CCDC85C: variants seen among roughly 807,000 people sequenced by gnomAD.
CCDC85C encodes coiled-coil domain-containing protein 85C.
Under a neutral mutation model 38.3 loss-of-function variants are expected in CCDC85C, and 18 were observed. The ratio of observed to expected loss-of-function variants is 0.47; its 90% CI spans 0.33 to 0.70. The LOEUF is 0.70. Ranked by LOEUF, CCDC85C falls within the 30% of genes least tolerant of loss-of-function variation. The probability of loss-of-function intolerance (pLI) is 0.03; values close to 1 mark genes in which losing one functional copy is unlikely to be tolerated. For missense variants in CCDC85C, 566 were observed against 621.2 expected, an observed-to-expected ratio of 0.91 and a Z score of 0.94; for synonymous variants, 264 against 293.8, an observed-to-expected ratio of 0.90 and a Z score of 1.04.
chr14:99,593,907 A>G (rs1309648152), intron 1 of CCDC85C, among the ~76,000 whole-genome samples: 1 of 152,074 alleles, frequency 6.6e-6, no homozygotes, highest in Non-Finnish European at 1.5e-5. Context: ...TACAGCCACA[A>G]TTAGGAACCA....
chr14:99,602,046 A>G (rs1399554460), intron 1 of CCDC85C, among the ~76,000 whole-genome samples: 1 of 152,110 alleles, frequency 6.6e-6, no homozygotes, highest in Non-Finnish European at 1.5e-5. Flanking sequence ...ACTTTCTCTG[A>G]ATTAGGAAAG....
Position 99,576,768 on chromosome 14 carries a change from C to A in CCDC85C, c.793+26399G>T, listed in dbSNP as rs1026675549. Among the ~76,000 whole-genome samples the A allele has an allele frequency of 1.3e-5, 2 of 152,168 alleles. No individual in the cohort carries two copies. Among genetic ancestry groups the A allele is most frequent in the African/African-American group, 4.8e-5 (2 of 41,436 alleles). ...AGGTTTACAATCTTCCTACCCATGA[C>A]ACCCTGGGGATTCAGAGGGTGGAAC... On this transcript the variant is annotated intron_variant, in intron 1 of 5. Transcript: ENST00000380243. This position sits in a 1 kb window ranked among gnomAD's most constrained non-coding sequence, Gnocchi z 4.8.
intron 2 of CCDC85C, among the ~76,000 whole-genome samples, chr14:99,527,200 A>C (rs772528552): frequency 2.3e-4 from 35 of 152,196 alleles, no homozygotes; most frequent in Non-Finnish European, 4.7e-4. Context: ...AAGGGGAGGT[A>C]GACTTGGCAC....
chr14:99,595,042 C>T (rs759750087), intron 1 of CCDC85C, among the ~76,000 whole-genome samples: 7 of 152,188 alleles, frequency 4.6e-5, no homozygotes, highest in Non-Finnish European at 8.8e-5. Context: ...AGAGCTAGAA[C>T]TGCCCACACC....
In CCDC85C at chr14:99,502,892, C is replaced by T. The variant is rs758477791; in HGVS notation, c.*12354G>A. On this transcript the variant is annotated 3_prime_UTR_variant, in exon 6 of 6. Transcript: ENST00000380243. ...ACCATCCCAGCCCCAGCAGAAGGAC[C>T]CCCAGCAACCAGCCCAGCAGCAGCA... 2.5e-6 allele frequency: 4 copies of T among 1,613,588 alleles called. No individual in the cohort carries two copies. The highest frequency in any genetic ancestry group is 3.4e-6 in the Non-Finnish European group (4 of 1,179,696).
At chr14:99,529,735 C>T (rs35498625) in intron 2 of CCDC85C, among the ~76,000 whole-genome samples, 71,311 of 152,178 alleles carry the variant, frequency 0.47, 17,101 homozygotes, top group South Asian at 0.6. Flanking sequence ...CCAAATCCTA[C>T]CTTGGCTGAG....
Position 99,558,890 on chromosome 14 carries a change from C to G in CCDC85C, c.794-22802G>C, listed in dbSNP as rs984899868. 6.6e-6 allele frequency among the ~76,000 whole-genome samples: 1 copy of G among 152,130 alleles called. No homozygotes were observed. Among genetic ancestry groups the G allele is most frequent in the Admixed American group, 6.5e-5 (1 of 15,278 alleles). On this transcript the variant is annotated intron_variant, in intron 1 of 5. Coordinates refer to ENST00000380243, the MANE Select transcript of CCDC85C (RefSeq NM_001144995.2). This position sits in a 1 kb window ranked among gnomAD's most constrained non-coding sequence, Gnocchi z 4.2. ...CCTGGAGGGAGGTGACCGGATCATCCGGGTGGTTTCTGATGGTTTAGTGCC... is the reference window on the plus strand; with the variant it reads ...CCTGGAGGGAGGTGACCGGATCATCGGGGTGGTTTCTGATGGTTTAGTGCC...
intron 1 of CCDC85C, among the ~76,000 whole-genome samples, chr14:99,581,910 G>A (rs942703029): frequency 6.6e-6 from 1 of 152,150 alleles, no homozygotes; most frequent in African/African-American, 2.4e-5. Context: ...GACGCATCAC[G>A]GCAAGTCACT....
At chr14:99,598,740 G>C (rs548970640) in intron 1 of CCDC85C, among the ~76,000 whole-genome samples, 1 of 152,312 alleles carries the variant, frequency 6.6e-6, no homozygotes, top group Non-Finnish European at 1.5e-5. Flanking sequence ...ACAGGACCTA[G>C]AGCAAGTCAC....
intron 1 of CCDC85C, among the ~76,000 whole-genome samples, chr14:99,585,834 G>A (rs1278724152): frequency 6.6e-6 from 1 of 152,208 alleles, no homozygotes; most frequent in Non-Finnish European, 1.5e-5. Context: ...TGGCAAGGTG[G>A]TGTGGCTGTC....
rs1397771676 is a variant in CCDC85C at position 99,588,067 on chromosome 14, T to G, written c.793+15100A>C. Among the ~76,000 whole-genome samples the G allele has an allele frequency of 6.6e-6, 1 of 152,036 alleles. No homozygotes were observed. The highest frequency in any genetic ancestry group is 1.5e-5 in the Non-Finnish European group (1 of 68,014). On this transcript the variant is annotated intron_variant, in intron 1 of 5. Coordinates refer to ENST00000380243, the MANE Select transcript of CCDC85C (RefSeq NM_001144995.2). The surrounding 1 kb of genome is among the most constrained non-coding windows in gnomAD (Gnocchi z 5.0). ...GAATCCCCTTCCACACCCCCAGGCC[T>G]GCACAGGCCTCCTGGGCCGGATTCC...
chr14:99,510,511 C>G lies in CCDC85C; in HGVS notation c.*4735G>C. 1.3e-6 allele frequency: 1 copy of G among 777,874 alleles called. No homozygotes were observed. The highest frequency in any genetic ancestry group is 1.9e-6 in the Non-Finnish European group (1 of 529,798). The allele number at this position is 777,874 out of a possible 1,614,324, so 48.2% of individuals were successfully genotyped here. A position where few individuals can be genotyped will look rare whatever the true frequency, so the allele number is the denominator to read the frequency against. The stretch of plus-strand genomic sequence containing the variant: ...CCCCCGCCACCTGTGCCTCCTCCCC[C>G]AGCCTCCTTCCCCCCACCTGCCATC... On this transcript the variant is annotated 3_prime_UTR_variant, in exon 6 of 6. Coordinates refer to ENST00000380243, the MANE Select transcript of CCDC85C (RefSeq NM_001144995.2).
chr14:99,561,775 AG>A (rs1898121777), intron 1 of CCDC85C, among the ~76,000 whole-genome samples: 1 of 152,190 alleles, frequency 6.6e-6, no homozygotes, highest in African/African-American at 2.4e-5. Flanking sequence ...AAATGTGGGA[AG>A]GGGGCAGAGG....
intron 2 of CCDC85C, among the ~76,000 whole-genome samples, chr14:99,529,798 C>T (rs182304858): frequency 2.6e-5 from 4 of 152,346 alleles, no homozygotes; most frequent in Admixed American, 2.6e-4. Flanking sequence ...TGCACATAAA[C>T]TGGCATCAGG....
chr14:99,506,988 G>A lies in CCDC85C; in HGVS notation c.*8258C>T. The A allele has an allele frequency of 1.2e-6, 1 of 858,080 alleles. No homozygotes were observed. Among genetic ancestry groups the A allele is most frequent in the Middle Eastern group, 2.2e-4 (1 of 4,568 alleles). The allele number at this position is 858,080 out of a possible 1,614,324, so 53.2% of individuals were successfully genotyped here. A position where few individuals can be genotyped will look rare whatever the true frequency, so the allele number is the denominator to read the frequency against. The stretch of plus-strand genomic sequence containing the variant: ...TCATCTCTGTTGTTTTTCTCCCAAA[G>A]AAATCTCTGCCAGTACATTTTTCTT... On this transcript the variant is annotated 3_prime_UTR_variant, in exon 6 of 6. Coordinates refer to ENST00000380243, the MANE Select transcript of CCDC85C (RefSeq NM_001144995.2).
rs1284323917 is a variant in CCDC85C at position 99,548,575 on chromosome 14, A to G, written c.794-12487T>C. On this transcript the variant is annotated intron_variant, in intron 1 of 5. Coordinates refer to ENST00000380243, the MANE Select transcript of CCDC85C (RefSeq NM_001144995.2). This position sits in a 1 kb window ranked among gnomAD's most constrained non-coding sequence, Gnocchi z 4.9. The stretch of plus-strand genomic sequence containing the variant: ...CTGCCAACACCAGCTGTACTAGTGA[A>G]AACTGTAAACCACCCAAATGCCCTC... Among the ~76,000 whole-genome samples, 1 of 151,968 alleles carries G rather than the reference A, an allele frequency of 6.6e-6. No individual in the cohort carries two copies. The highest frequency in any genetic ancestry group is 1.5e-5 in the Non-Finnish European group (1 of 68,012).
rs1898483340 is a variant in CCDC85C, at chr14:99,576,655, C to CCTTG, written c.793+26508_793+26511dup. 1 of 152,250 alleles carries CCTTG rather than the reference C, an allele frequency of 6.6e-6. No individual in the cohort carries two copies. Among genetic ancestry groups the CCTTG allele is most frequent in the African/African-American group, 2.4e-5 (1 of 41,434 alleles). The allele number at this position is 152,250 out of a possible 1,614,324, so 9.4% of individuals were successfully genotyped here. A position where few individuals can be genotyped will look rare whatever the true frequency, so the allele number is the denominator to read the frequency against. On this transcript the variant is annotated intron_variant, in intron 1 of 5. Transcript: ENST00000380243. This position sits in a 1 kb window ranked among gnomAD's most constrained non-coding sequence, Gnocchi z 4.8. ...CCCCACACCTGCCCCAACCCCCAAGCCTTGCCCTTTCCCACCAAACTTGGT... is the reference window on the plus strand; with the variant it reads ...CCCCACACCTGCCCCAACCCCCAAGCCTTGCTTGCCCTTTCCCACCAAACTTGGT...
chr14:99,580,819 C>T (rs1450418872), intron 1 of CCDC85C, among the ~76,000 whole-genome samples: 3 of 152,074 alleles, frequency 2.0e-5, no homozygotes, highest in Non-Finnish European at 4.4e-5. Context: ...GAGCCAAGAT[C>T]GCGCGACTGC....
At chr14:99,519,704 G>C (rs928198747) in intron 3 of CCDC85C, among the ~76,000 whole-genome samples, 9 of 152,158 alleles carry the variant, frequency 5.9e-5, no homozygotes, top group African/African-American at 2.2e-4. Context: ...CCACACAATG[G>C]AATAGTATTC....
Sources: allele counts gnomAD v4.1 joint callset (sites outside exome capture counted in the v4.1 genomes callset), GRCh38; gene constraint gnomAD v4.1.1; non-coding constraint Gnocchi (gnomAD v3.1); transcripts MANE v1.5; gene names NCBI Gene and HGNC (gene_info 2026-07-23, HGNC 2026-07-21).